Variants in MOSPD1 observed in about 807,000 individuals in gnomAD.
MOSPD1 encodes motile sperm domain containing 1, also known as motile sperm domain-containing protein 1.
In MOSPD1, 5 loss-of-function variants were observed where a neutral mutation model predicts 16.7. That is an observed-to-expected ratio of 0.30 (90% CI 0.16 to 0.63). The LOEUF (loss-of-function observed/expected upper bound fraction) is 0.63, where lower values mean the gene tolerates loss of function less well. Ranked by LOEUF, MOSPD1 falls within the 30% of genes least tolerant of loss-of-function variation. MOSPD1 has a pLI of 0.82. For synonymous variants in MOSPD1, 67 were observed against 59.2 expected (o/e 1.13, Z -0.61); for missense variants, 104 against 153.6 (o/e 0.68, Z 1.71).
At chrX:134,903,893 C>T (rs1194639330) in intron 1 of MOSPD1, among the ~76,000 whole-genome samples, 1 of 110,352 alleles carries the variant, frequency 9.1e-6, no homozygotes, top group African/African-American at 3.3e-5. Context: ...CAGACATTAG[C>T]CAGGCATAGT....
At chrX:134,907,488 T>C (rs769399081) in intron 1 of MOSPD1, among the ~76,000 whole-genome samples, 57 of 112,629 alleles carry the variant, frequency 5.1e-4, no homozygotes, top group Admixed American at 2.8e-3. Flanking sequence ...GAACTATTCA[T>C]CAGGGCATTA....
chrX:134,910,093 A>C (rs1478552689), intron 1 of MOSPD1, among the ~76,000 whole-genome samples: 1 of 111,612 alleles, frequency 9.0e-6, no homozygotes, highest in Non-Finnish European at 1.9e-5. Context: ...TACATGAAAC[A>C]CTCAGAAGTT....
intron 3 of MOSPD1, 108 bp downstream of exon 3, chrX:134,898,981 AT>A: frequency 1.5e-6 from 1 of 674,248 alleles, no homozygotes; most frequent in East Asian, 3.3e-5. Flanking sequence ...TCAAAATATA[AT>A]AAATGCCTAT....
In MOSPD1 at chrX:134,891,657, A is replaced by G. The variant is rs1248742479; in HGVS notation, c.449-17T>C. On this transcript the variant is annotated splice_polypyrimidine_tract_variant and intron_variant, in intron 4 of 5. Coordinates refer to ENST00000370783, the MANE Select transcript of MOSPD1 (RefSeq NM_019556.3). ...CTCTGTTTTCTGTAAAAAGACAAAA[A>G]TCCCTAAGCTTCCTTCTAAAAACTT... The G allele has an allele frequency of 8.3e-7, 1 of 1,203,322 alleles. No homozygotes were observed. Among genetic ancestry groups the G allele is most frequent in the African/African-American group, 1.7e-5 (1 of 57,316 alleles).
chrX:134,891,307 AAAG>A (rs911284030), intron 5 of MOSPD1, among the ~76,000 whole-genome samples, 169 bp downstream of exon 5: 2 of 109,802 alleles, frequency 1.8e-5, no homozygotes, highest in African/African-American at 6.6e-5. Flanking sequence ...AATAAGCTAA[AAAG>A]AACTAAATGT....
At chrX:134,891,833 T>C (rs999186480) in intron 4 of MOSPD1, among the ~76,000 whole-genome samples, 193 bp from the exon 5 acceptor site, 2 of 111,782 alleles carry the variant, frequency 1.8e-5, no homozygotes, top group Admixed American at 9.6e-5. Flanking sequence ...GTCTGAATCA[T>C]TGCAGGATGG....
intron 1 of MOSPD1, among the ~76,000 whole-genome samples, chrX:134,908,019 C>T (rs1348010811): frequency 1.8e-5 from 2 of 112,667 alleles, no homozygotes; most frequent in Non-Finnish European, 3.8e-5. Context: ...GCAATACTCC[C>T]ACCTTGGCCT....
chrX:134,904,337 G>A (rs1012916370), intron 1 of MOSPD1, among the ~76,000 whole-genome samples: 1 of 111,899 alleles, frequency 8.9e-6, no homozygotes, highest in Non-Finnish European at 1.9e-5. Context: ...CTTGTGGGGA[G>A]GTGAATTGGC....
intron 3 of MOSPD1, among the ~76,000 whole-genome samples, chrX:134,897,922 G>A (rs1240324982): frequency 2.7e-5 from 3 of 111,965 alleles, no homozygotes; most frequent in South Asian, 3.7e-4. Context: ...AGGCTGGAGC[G>A]CAATGGTGTG....
intron 1 of MOSPD1, 142 bp from the exon 2 acceptor site, chrX:134,899,676 C>A: frequency 1.1e-5 from 3 of 265,175 alleles, no homozygotes; most frequent in Non-Finnish European, 2.0e-5. Flanking sequence ...TGCCTGTAAT[C>A]CCAGCACTTT....
chrX:134,909,986 G>C (rs755505516), intron 1 of MOSPD1, among the ~76,000 whole-genome samples: 7 of 111,836 alleles, frequency 6.3e-5, no homozygotes, highest in Non-Finnish European at 1.1e-4. Flanking sequence ...TATAATTAAT[G>C]TGTTGTTTCC....
chrX:134,897,757 T>C (rs996764563), intron 3 of MOSPD1, among the ~76,000 whole-genome samples: 1 of 111,655 alleles, frequency 9.0e-6, no homozygotes, highest in Non-Finnish European at 1.9e-5. Flanking sequence ...ATTCCATGTA[T>C]GCAGGTAGAA....
intron 1 of MOSPD1, among the ~76,000 whole-genome samples, chrX:134,906,401 G>A (rs1200248890): frequency 1.9e-5 from 2 of 107,361 alleles, no homozygotes; most frequent in Non-Finnish European, 3.8e-5. Context: ...GGCCAGGCTG[G>A]TCTTGAACTC....
rs200486988 is a variant in MOSPD1, at chrX:134,897,599, A to ATT, written c.231-567_231-566dup. On this transcript the variant is annotated intron_variant, in intron 3 of 5. Coordinates refer to ENST00000370783, the MANE Select transcript of MOSPD1 (RefSeq NM_019556.3). ...AAAAAAAATTCTCTTTAGCAATCAC[A>ATT]TTTTTTTTTTTTCTGGATAACTCAG... 5.1e-5 allele frequency among the ~76,000 whole-genome samples: 5 copies of ATT among 98,232 alleles called. No individual in the cohort carries two copies. The South Asian group carries it at 1.4e-3, about 27-fold the overall frequency. 85.3% of individuals were successfully genotyped at this position (98,232 alleles called of 115,157 possible).
intron 1 of MOSPD1, among the ~76,000 whole-genome samples, chrX:134,908,756 G>A (rs2082955892): frequency 8.9e-6 from 1 of 112,143 alleles, no homozygotes; most frequent in South Asian, 3.7e-4. Flanking sequence ...ACACATGCCT[G>A]CCACTACCAT....
chrX:134,908,409 G>A (rs2082953983), intron 1 of MOSPD1, among the ~76,000 whole-genome samples: 1 of 111,851 alleles, frequency 8.9e-6, no homozygotes, highest in African/African-American at 3.2e-5. Context: ...GGTAAGAGGA[G>A]AGCAGAGAGA....
chrX:134,902,984 A>G (rs2082919933), intron 1 of MOSPD1, among the ~76,000 whole-genome samples: 1 of 109,801 alleles, frequency 9.1e-6, no homozygotes, highest in Non-Finnish European at 1.9e-5. Flanking sequence ...GTGCTCTCAG[A>G]AGTTTGATGT....
chrX:134,903,831 G>T (rs778116730), intron 1 of MOSPD1, among the ~76,000 whole-genome samples: 7 of 110,802 alleles, frequency 6.3e-5, no homozygotes, highest in Non-Finnish European at 1.3e-4. Flanking sequence ...ACGAGGTCAG[G>T]AGTTTGAGAC....
intron 1 of MOSPD1, among the ~76,000 whole-genome samples, chrX:134,901,640 C>T (rs1444630288): frequency 9.5e-6 from 1 of 104,939 alleles, no homozygotes; most frequent in African/African-American, 3.6e-5. Context: ...TAGAGCAAGA[C>T]TCTATCTCAA....
Sources: allele counts gnomAD v4.1 joint callset (sites outside exome capture counted in the v4.1 genomes callset), GRCh38; gene constraint gnomAD v4.1.1; transcripts MANE v1.5; gene names NCBI Gene and HGNC (gene_info 2026-07-23, HGNC 2026-07-21).